Variants in PDIA3 observed in about 807,000 individuals in gnomAD.
The protein encoded by PDIA3 is protein disulfide isomerase family A member 3.
A neutral mutation model predicts 56.9 loss-of-function variants in PDIA3; 16 were observed. That is an observed-to-expected ratio of 0.28 (90% CI 0.19 to 0.43). The LOEUF (loss-of-function observed/expected upper bound fraction) is 0.43. PDIA3 is among the 20% of genes least tolerant of loss of function. The probability of loss-of-function intolerance (pLI) is 1.00; values close to 1 mark genes in which losing one functional copy is unlikely to be tolerated. For synonymous variants in PDIA3, 192 were observed against 216.5 expected (o/e 0.89, Z 0.99); for missense variants, 485 against 621.3 (o/e 0.78, Z 2.33).
At chr15:43,760,529 AC>A (rs1366470208) in intron 3 of PDIA3, among the ~76,000 whole-genome samples, 3 of 133,872 alleles carry the variant, frequency 2.2e-5, no homozygotes, top group African/African-American at 2.6e-5. Context: ...TAAAAAAAAA[AC>A]TTTTTTTTTT....
At chr15:43,760,881 G>A (rs2086810850) in intron 3 of PDIA3, among the ~76,000 whole-genome samples, 1 of 151,744 alleles carries the variant, frequency 6.6e-6, no homozygotes, top group African/African-American at 2.4e-5. Flanking sequence ...GTAATAAAAG[G>A]TTGAGGTAGC....
At chr15:43,770,642 CAT>C in intron 12 of PDIA3, 62 bp downstream of exon 12, 3 of 1,056,958 alleles carry the variant, frequency 2.8e-6, no homozygotes, top group Non-Finnish European at 1.5e-6. Context: ...CAACCTTAAA[CAT>C]AGTTCTTTAA....
intron 2 of PDIA3, among the ~76,000 whole-genome samples, chr15:43,756,093 C>T (rs1032619598): frequency 1.3e-5 from 2 of 152,004 alleles, no homozygotes; most frequent in Admixed American, 6.6e-5. Flanking sequence ...GTAAGTGGCT[C>T]GTTCCGGGAA....
In PDIA3 at chr15:43,753,848, A is replaced by G. The variant is rs934676254; in HGVS notation, c.192A>G (p.Ala64=). The change falls in exon 2 of 13, where the codon GCA becomes GCG. Residue 64 remains alanine (A), a synonymous_variant. Coordinates refer to ENST00000300289, the MANE Select transcript of PDIA3 (RefSeq NM_005313.5). ...APWCGHCKRL[A]PEYEAAATRL... is the part of the protein sequence containing the mutation. ...GGTGTGGACACTGCAAGAGACTTGC[A>G]CCTGAGTATGAAGCTGCAGCTACCA... 5 of 1,613,752 alleles carry G rather than the reference A, an allele frequency of 3.1e-6. No homozygotes were observed. Among genetic ancestry groups the G allele is most frequent in the African/African-American group, 1.3e-5 (1 of 75,046 alleles).
intron 1 of PDIA3, among the ~76,000 whole-genome samples, chr15:43,750,497 C>T (rs553672915): frequency 7.3e-5 from 11 of 151,670 alleles, no homozygotes; most frequent in Admixed American, 4.6e-4. Flanking sequence ...AGTCCTTGGC[C>T]GGGCACGGTG....
At chr15:43,750,811 G>A (rs996257164) in intron 1 of PDIA3, among the ~76,000 whole-genome samples, 2 of 150,872 alleles carry the variant, frequency 1.3e-5, no homozygotes, top group Non-Finnish European at 3.0e-5. Context: ...TTATGCTATA[G>A]ATGTGTATGC....
Position 43,773,146 on chromosome 15 carries a change from C to G in PDIA3, c.*1928C>G. 6.2e-7 allele frequency: 1 copy of G among 1,612,110 alleles called. No individual in the cohort carries two copies. Among genetic ancestry groups the G allele is most frequent in the African/African-American group, 1.3e-5 (1 of 74,806 alleles). On this transcript the variant is annotated 3_prime_UTR_variant, in exon 13 of 13. Transcript: ENST00000300289. ...TGCCCCTGTTCTTTTCCTCAAACTC[C>G]AGGATGAGACCTTTAATGTGGGACA... is the stretch of plus-strand genomic sequence containing the variant.
At chr15:43,764,431 CT>C (rs2086835846) in intron 5 of PDIA3, among the ~76,000 whole-genome samples, 1 of 152,094 alleles carries the variant, frequency 6.6e-6, no homozygotes, top group African/African-American at 2.4e-5. Context: ...TAGTCACTAA[CT>C]ATGAGTGAAA....
rs762353300 is a variant in PDIA3, at chr15:43,766,850, T to C, written c.968T>C (p.Ile323Thr). Residue 323 changes from isoleucine to threonine, a missense_variant, in exon 8 of 13, where the codon ATT becomes ACT. Coordinates refer to ENST00000300289, the MANE Select transcript of PDIA3 (RefSeq NM_005313.5). ...GGCTTGGAGAGCACTGCTGGAGAGA[T>C]TCCTGTTGTTGCTATCAGAACTGCT... ...DFGLESTAGE[I>T]PVVAIRTAKG... 6.2e-7 allele frequency: 1 copy of C among 1,614,038 alleles called. No individual in the cohort carries two copies. Among genetic ancestry groups the C allele is most frequent in the Admixed American group, 1.7e-5 (1 of 60,018 alleles).
intron 3 of PDIA3, among the ~76,000 whole-genome samples, chr15:43,759,335 G>C: frequency 6.6e-6 from 1 of 152,100 alleles, no homozygotes; most frequent in East Asian, 1.9e-4. Flanking sequence ...ATATGATCCA[G>C]CTTCTGTATG....
Position 43,773,156 on chromosome 15 carries a change from C to A in PDIA3, c.*1938C>A. Reference sequence around the variant, plus strand: ...CTTTTCCTCAAACTCCAGGATGAGACCTTTAATGTGGGACAATTTCTGGTG... The same window carrying A: ...CTTTTCCTCAAACTCCAGGATGAGAACTTTAATGTGGGACAATTTCTGGTG... On this transcript the variant is annotated 3_prime_UTR_variant, in exon 13 of 13. Coordinates refer to ENST00000300289, the MANE Select transcript of PDIA3 (RefSeq NM_005313.5). 1 of 1,613,728 alleles carries A rather than the reference C, an allele frequency of 6.2e-7. No individual in the cohort carries two copies. Among genetic ancestry groups the A allele is most frequent in the Non-Finnish European group, 8.5e-7 (1 of 1,179,932 alleles).
At chr15:43,757,015 T>C (rs1007265696) in intron 3 of PDIA3, among the ~76,000 whole-genome samples, 1 of 152,230 alleles carries the variant, frequency 6.6e-6, no homozygotes, top group Admixed American at 6.5e-5. Flanking sequence ...TATTGAGTAA[T>C]TACTGTGTGC....
chr15:43,772,764 A>G lies in PDIA3; in HGVS notation c.*1546A>G, dbSNP rs2086889022. On this transcript the variant is annotated 3_prime_UTR_variant, in exon 13 of 13. Coordinates refer to ENST00000300289, the MANE Select transcript of PDIA3 (RefSeq NM_005313.5). ...TTACTGTTTCCTTAGAGAGGCTACCAGGCTAAAATTCACTTAGTTTGGTTT... is the reference window on the plus strand; with the variant it reads ...TTACTGTTTCCTTAGAGAGGCTACCGGGCTAAAATTCACTTAGTTTGGTTT... 5.6e-6 allele frequency: 1 copy of G among 177,412 alleles called. No individual in the cohort carries two copies. Among genetic ancestry groups the G allele is most frequent in the Non-Finnish European group, 1.2e-5 (1 of 85,190 alleles). The allele number at this position is 177,412 out of a possible 1,614,324, so 11.0% of individuals were successfully genotyped here.
chr15:43,759,386 C>G (rs1224031595), intron 3 of PDIA3, among the ~76,000 whole-genome samples: 4 of 152,030 alleles, frequency 2.6e-5, no homozygotes, highest in African/African-American at 7.3e-5. Flanking sequence ...TTAATGTTGT[C>G]TATAGATTCT....
intron 3 of PDIA3, among the ~76,000 whole-genome samples, chr15:43,761,084 C>CA (rs1355850522): frequency 2.7e-5 from 4 of 150,310 alleles, no homozygotes; most frequent in East Asian, 2.0e-4. Context: ...TAAAAAAATA[C>CA]AAAAAAAAGT....
intron 3 of PDIA3, among the ~76,000 whole-genome samples, chr15:43,760,530 CT>C (rs199578385): frequency 0.5 from 57,509 of 116,008 alleles, 13,312 homozygotes; most frequent in Non-Finnish European, 0.61. Context: ...AAAAAAAAAA[CT>C]TTTTTTTTTT....
chr15:43,748,192 T>C (rs2086719057), intron 1 of PDIA3, among the ~76,000 whole-genome samples: 1 of 152,046 alleles, frequency 6.6e-6, no homozygotes, highest in Non-Finnish European at 1.5e-5. Flanking sequence ...AAAAGGAATT[T>C]TGGGGCTGGG....
intron 2 of PDIA3, among the ~76,000 whole-genome samples, chr15:43,756,146 G>C (rs187672473): frequency 6.6e-6 from 1 of 152,170 alleles, no homozygotes; most frequent in Non-Finnish European, 1.5e-5. Context: ...GATCGGTTAT[G>C]TTATGGTATA....
At chr15:43,755,216 A>G (rs1231865532) in intron 2 of PDIA3, among the ~76,000 whole-genome samples, 2 of 152,056 alleles carry the variant, frequency 1.3e-5, no homozygotes, top group South Asian at 2.1e-4. Context: ...AATCCCAGCT[A>G]CTTGGAAGGC....
Sources: allele counts gnomAD v4.1 joint callset (sites outside exome capture counted in the v4.1 genomes callset), GRCh38; gene constraint gnomAD v4.1.1; transcripts MANE v1.5; gene names NCBI Gene and HGNC (gene_info 2026-07-23, HGNC 2026-07-21).